Variants in KIF21A observed in about 807,000 individuals in gnomAD.
KIF21A encodes the protein kinesin family member 21A.
A neutral mutation model predicts 202.9 loss-of-function variants in KIF21A; 114 were observed. The observed-to-expected ratio is 0.56, with a 90% confidence interval of 0.48 to 0.66. The LOEUF is 0.66. Ranked by LOEUF, KIF21A falls within the 30% of genes least tolerant of loss-of-function variation. The probability of loss-of-function intolerance (pLI) is 0.00; values close to 1 mark genes in which losing one functional copy is unlikely to be tolerated. For synonymous variants in KIF21A, 667 were observed against 670.8 expected, an observed-to-expected ratio of 0.99 and a Z score of 0.09; for missense variants, 1,677 against 1,994.9, an observed-to-expected ratio of 0.84 and a Z score of 3.04.
At chr12:39,350,936 C>A (rs1226768159) in intron 11 of KIF21A, among the ~76,000 whole-genome samples, 3 of 152,010 alleles carry the variant, frequency 2.0e-5, no homozygotes, top group Non-Finnish European at 4.4e-5. Flanking sequence ...CCTCCTGTAA[C>A]AAACCAGGTG....
intron 1 of KIF21A, among the ~76,000 whole-genome samples, chr12:39,416,048 T>C (rs928061913): frequency 3.3e-5 from 5 of 152,054 alleles, no homozygotes; most frequent in African/African-American, 1.2e-4. Flanking sequence ...ATTATTGGAA[T>C]AGTGATATAA....
chr12:39,295,862 T>C (rs1267950977), intron 37 of KIF21A, among the ~76,000 whole-genome samples: 1 of 151,304 alleles, frequency 6.6e-6, no homozygotes, highest in East Asian at 1.9e-4. Flanking sequence ...CCACTATGCC[T>C]AGCTAATTTT....
chr12:39,340,999 T>C lies in KIF21A; in HGVS notation c.2017A>G (p.Thr673Ala). 1 of 1,612,944 alleles carries C rather than the reference T, an allele frequency of 6.2e-7. No homozygotes were observed. Among genetic ancestry groups the C allele is most frequent in the South Asian group, 1.1e-5 (1 of 91,014 alleles). ...ELENSQKRLQ[T>A]LKKQYEEKLM... Reference sequence around the variant, plus strand: ...TTCTCTTCATACTGCTTTTTCAGAGTCTGCAGTCTTTTCTGGCTGTTTTCT... The same window carrying C: ...TTCTCTTCATACTGCTTTTTCAGAGCCTGCAGTCTTTTCTGGCTGTTTTCT... The change falls in exon 15 of 38, where the codon ACT becomes GCT. Residue 673 changes from threonine to alanine, a missense_variant. Physicochemically the swap from Thr to Ala is moderately conservative, Grantham distance 58 (BLOSUM62 0). Transcript: ENST00000361418.
chr12:39,402,679 G>T (rs1427374886), intron 1 of KIF21A, among the ~76,000 whole-genome samples: 3 of 152,098 alleles, frequency 2.0e-5, no homozygotes, highest in African/African-American at 4.8e-5. Flanking sequence ...GCTGCATGCG[G>T]CCCAGGATGA....
chr12:39,423,383 C>A (rs1321190394), intron 1 of KIF21A, among the ~76,000 whole-genome samples: 1 of 151,956 alleles, frequency 6.6e-6, no homozygotes, highest in African/African-American at 2.4e-5. Context: ...CCCTTTATTG[C>A]TGTACCTGGA....
At chr12:39,298,374 T>C (rs1460934618) in intron 37 of KIF21A, among the ~76,000 whole-genome samples, 1 of 152,046 alleles carries the variant, frequency 6.6e-6, no homozygotes, top group Non-Finnish European at 1.5e-5. Flanking sequence ...ATGAGTAGAG[T>C]GCAACTATAA....
intron 7 of KIF21A, among the ~76,000 whole-genome samples, chr12:39,358,735 T>C (rs1314076683): frequency 6.6e-6 from 1 of 152,230 alleles, no homozygotes; most frequent in Non-Finnish European, 1.5e-5. Context: ...TTTCAGTATT[T>C]TAAAAATTTA....
intron 1 of KIF21A, among the ~76,000 whole-genome samples, chr12:39,386,576 C>A (rs1195121966): frequency 6.6e-6 from 1 of 152,166 alleles, no homozygotes; most frequent in African/African-American, 2.4e-5. Context: ...ACGGCAGGTG[C>A]TGACAAAACA....
Position 39,356,863 on chromosome 12 carries a change from G to C in KIF21A, c.1438C>G (p.His480Asp), listed in dbSNP as rs750432034. 3.1e-6 allele frequency: 4 copies of C among 1,278,732 alleles called. No individual in the cohort carries two copies. The highest frequency in any genetic ancestry group is 4.6e-6 in the Non-Finnish European group (4 of 878,134). The allele number at this position is 1,278,732 out of a possible 1,614,324, so 79.2% of individuals were successfully genotyped here. Residue 480 changes from histidine to aspartate, a missense_variant, in exon 10 of 38, where the codon CAT becomes GAT. By Grantham distance (81) the His-to-Asp change is moderately conservative. Transcript: ENST00000361418. Reference protein sequence around the residue: ...EGNEEISNMIHSYIKEIEDLR... With the variant: ...EGNEEISNMIDSYIKEIEDLR... ...TCTTCGATTTCTTTTATATAACTAT[G>C]AATCATATTACTAATCTCCTCATTT...
chr12:39,342,604 G>T (rs894693890), intron 12 of KIF21A, among the ~76,000 whole-genome samples: 2 of 152,130 alleles, frequency 1.3e-5, no homozygotes, highest in African/African-American at 4.8e-5. Context: ...CCCACAGTAA[G>T]CTTGTCTACA....
At chr12:39,339,048 GT>G (rs1432295264) in intron 16 of KIF21A, among the ~76,000 whole-genome samples, 1 of 152,128 alleles carries the variant, frequency 6.6e-6, no homozygotes, top group East Asian at 1.9e-4. Flanking sequence ...GGAGGTCGAG[GT>G]TAGTGGATCA....
intron 1 of KIF21A, among the ~76,000 whole-genome samples, chr12:39,434,770 C>T (rs141890896): frequency 6.0e-4 from 92 of 152,148 alleles, no homozygotes; most frequent in African/African-American, 2.1e-3. Context: ...GCTAGAGATG[C>T]CCTGTGCCTC....
Position 39,418,256 on chromosome 12 carries a change from T to C in KIF21A, c.44+24671A>G, listed in dbSNP as rs149774269. ...AAAAACATCCAGAAAACATTGATTT[T>C]GTAAGGTCTAATCTATATCTGGACA... On this transcript the variant is annotated intron_variant, in intron 1 of 37. Transcript: ENST00000361418. Among the ~76,000 whole-genome samples the C allele has an allele frequency of 6.1e-3, 932 of 152,006 alleles. 29 individuals carry two copies. The highest frequency in any genetic ancestry group is 0.056 in the Admixed American group (848 of 15,254).
intron 1 of KIF21A, among the ~76,000 whole-genome samples, chr12:39,420,166 C>CTTCTCATT (rs1954134675): frequency 6.7e-6 from 1 of 149,862 alleles, no homozygotes; most frequent in East Asian, 2.0e-4. Context: ...ATATGTGATA[C>CTTCTCATT]TTCTCATTGC....
chr12:39,328,985 C>T (rs1592174704), intron 24 of KIF21A, among the ~76,000 whole-genome samples: 1 of 152,206 alleles, frequency 6.6e-6, no homozygotes, highest in African/African-American at 2.4e-5. Flanking sequence ...CTCTCCTCCT[C>T]AGTAGGGCAT....
intron 1 of KIF21A, among the ~76,000 whole-genome samples, chr12:39,374,163 G>A (rs1255312562): frequency 6.6e-6 from 1 of 152,150 alleles, no homozygotes; most frequent in Non-Finnish European, 1.5e-5. Context: ...ACCCAAGCCA[G>A]TTCACCTGCT....
intron 1 of KIF21A, among the ~76,000 whole-genome samples, chr12:39,407,840 C>G (rs913164513): frequency 6.6e-6 from 1 of 151,352 alleles, no homozygotes; most frequent in African/African-American, 2.4e-5. Context: ...AAAAATCTCT[C>G]TCAATTGGCC....
At chr12:39,340,026 G>T in intron 16 of KIF21A, 139 bp downstream of exon 16, 1 of 697,936 alleles carries the variant, frequency 1.4e-6, no homozygotes, top group Non-Finnish European at 2.4e-6. Flanking sequence ...ACTTCTAATT[G>T]CCAAAGGAAA....
At chr12:39,382,756 T>C (rs1350499682) in intron 1 of KIF21A, among the ~76,000 whole-genome samples, 1 of 151,930 alleles carries the variant, frequency 6.6e-6, no homozygotes, top group Admixed American at 6.6e-5. Context: ...CAAACCCCCC[T>C]CCCAAAAAAA....
Sources: gnomAD v4.1 joint callset for allele counts (sites outside exome capture counted in the v4.1 genomes callset) on GRCh38, gnomAD v4.1.1 for gene constraint, MANE v1.5 for transcripts, NCBI Gene and HGNC (gene_info 2026-07-23, HGNC 2026-07-21) for gene names.